Variants in ST3GAL2 observed in about 807,000 individuals in gnomAD.
The protein encoded by ST3GAL2 is CMP-N-acetylneuraminate-beta-galactosamide-alpha-2,3-sialyltransferase 2.
In ST3GAL2, 16 loss-of-function variants were observed where a neutral mutation model predicts 37.5. That is an observed-to-expected ratio of 0.43 (90% CI 0.29 to 0.65). ST3GAL2 has a LOEUF of 0.65. ST3GAL2 is among the 30% of genes least tolerant of loss of function. The pLI, the probability that ST3GAL2 is intolerant of heterozygous loss-of-function variation, is 0.17. For missense variants in ST3GAL2, 383 were observed against 487.8 expected (o/e 0.79, Z 2.02); for synonymous variants, 238 against 202.9 (o/e 1.17, Z -1.47).
intron 1 of ST3GAL2, among the ~76,000 whole-genome samples, chr16:70,437,018 C>A (rs1260447144): frequency 6.6e-6 from 1 of 152,186 alleles, no homozygotes; most frequent in African/African-American, 2.4e-5. Flanking sequence ...ATCCCAGGTG[C>A]CTTCTCGAGA....
chr16:70,398,178 G>A lies in ST3GAL2; in HGVS notation c.339+14C>T, dbSNP rs370914116. The A allele has an allele frequency of 2.4e-5, 39 of 1,606,844 alleles. No individual in the cohort carries two copies. In the East Asian group the frequency reaches 5.1e-4, roughly 21 times the overall value. ...CTGGGGGACAGATCCCTGGAAGGGA[G>A]CAGCAGCTCTTACCATCCACCACCT... On this transcript the variant is annotated intron_variant, in intron 2 of 6. Transcript: ENST00000342907.
intron 4 of ST3GAL2, among the ~76,000 whole-genome samples, chr16:70,385,116 T>C (rs1264508776): frequency 1.3e-5 from 2 of 151,782 alleles, no homozygotes; most frequent in African/African-American, 4.8e-5. Flanking sequence ...CCATCCTAGC[T>C]AACACGGTGA....
At chr16:70,409,833 A>AG (rs1298247664) in intron 1 of ST3GAL2, among the ~76,000 whole-genome samples, 1 of 149,682 alleles carries the variant, frequency 6.7e-6, no homozygotes, top group Non-Finnish European at 1.5e-5. Flanking sequence ...TTTTTCATAA[A>AG]GACAGGGTCT....
At chr16:70,438,379 C>T (rs965333801) in intron 1 of ST3GAL2, among the ~76,000 whole-genome samples, 1 of 152,278 alleles carries the variant, frequency 6.6e-6, no homozygotes, top group East Asian at 1.9e-4. Context: ...GCGCTTTGGC[C>T]AAGTTTCTGG....
At chr16:70,415,385 C>T (rs574456829) in intron 1 of ST3GAL2, among the ~76,000 whole-genome samples, 1 of 152,340 alleles carries the variant, frequency 6.6e-6, no homozygotes, top group South Asian at 2.1e-4. Flanking sequence ...CTCCGGGCGG[C>T]ACGGGGAAGG....
intron 1 of ST3GAL2, among the ~76,000 whole-genome samples, chr16:70,429,113 T>C (rs1217144847): frequency 6.6e-6 from 1 of 152,190 alleles, no homozygotes; most frequent in Non-Finnish European, 1.5e-5. Flanking sequence ...TGCAGGAGCC[T>C]GAGTTGTCCA....
At chr16:70,431,141 C>T (rs951332492) in intron 1 of ST3GAL2, among the ~76,000 whole-genome samples, 2 of 83,306 alleles carry the variant, frequency 2.4e-5, no homozygotes, top group Non-Finnish European at 5.1e-5. Flanking sequence ...GGTGGCAGGG[C>T]GGGGCAATCT....
intron 1 of ST3GAL2, among the ~76,000 whole-genome samples, chr16:70,436,828 G>A (rs1427362631): frequency 6.6e-6 from 1 of 152,130 alleles, no homozygotes; most frequent in Non-Finnish European, 1.5e-5. Context: ...TCTAATGAGA[G>A]CCAAAATGAA....
intron 3 of ST3GAL2, among the ~76,000 whole-genome samples, chr16:70,389,075 CAAAAA>C (rs77375368): frequency 3.8e-5 from 2 of 53,302 alleles, no homozygotes; most frequent in Non-Finnish European, 3.9e-5. Context: ...CTCTTGTCTC[CAAAAA>C]AAAAAAAAAA....
rs1303010360 is a variant in ST3GAL2 at position 70,380,492 on chromosome 16, G to A, written c.*1197C>T. 6.6e-6 allele frequency: 1 copy of A among 152,296 alleles called. No individual in the cohort carries two copies. Among genetic ancestry groups the A allele is most frequent in the Non-Finnish European group, 1.5e-5 (1 of 68,106 alleles). 9.4% of individuals were successfully genotyped at this position (152,296 alleles called of 1,614,324 possible). ...GCAGCCCCGTCAGGGACCTAAGCTGGGTTCAGCCATGCAAGCAGCTTCCAG... is the reference window on the plus strand; with the variant it reads ...GCAGCCCCGTCAGGGACCTAAGCTGAGTTCAGCCATGCAAGCAGCTTCCAG... On this transcript the variant is annotated 3_prime_UTR_variant, in exon 7 of 7. Transcript: ENST00000342907.
chr16:70,381,619 T>A lies in ST3GAL2; in HGVS notation c.*70A>T, dbSNP rs1306905530. The A allele has an allele frequency of 6.4e-7, 1 of 1,555,500 alleles. No homozygotes were observed. The highest frequency in any genetic ancestry group is 8.7e-7 in the Non-Finnish European group (1 of 1,151,366). On this transcript the variant is annotated 3_prime_UTR_variant, in exon 7 of 7. Coordinates refer to ENST00000342907, the MANE Select transcript of ST3GAL2 (RefSeq NM_006927.4). ...TGCAGCATGATTGGTCGCGGGTTGC[T>A]GGTCCTGGGTCCCGGGCCGGAGCCC...
chr16:70,407,695 G>A (rs943504893), intron 1 of ST3GAL2, among the ~76,000 whole-genome samples: 1 of 152,138 alleles, frequency 6.6e-6, no homozygotes, highest in Non-Finnish European at 1.5e-5. Flanking sequence ...CAGCACGCAG[G>A]TAAATGGAAG....
chr16:70,430,991 A>G (rs889324642), intron 1 of ST3GAL2, among the ~76,000 whole-genome samples: 1 of 152,080 alleles, frequency 6.6e-6, no homozygotes, highest in Non-Finnish European at 1.5e-5. Context: ...GGTAGGAACA[A>G]AGGTTGGGGA....
chr16:70,397,090 G>A (rs2151663177), intron 2 of ST3GAL2, among the ~76,000 whole-genome samples: 1 of 140,532 alleles, frequency 7.1e-6, no homozygotes, highest in Middle Eastern at 4.5e-3. Context: ...TGCCCAGCTG[G>A]AGTGCAATGG....
chr16:70,426,498 C>T (rs374108405), intron 1 of ST3GAL2, among the ~76,000 whole-genome samples: 2 of 150,674 alleles, frequency 1.3e-5, no homozygotes, highest in South Asian at 2.1e-4. Context: ...CCACACCCGG[C>T]CCTCAGAAGT....
At chr16:70,415,283 C>CA (rs1000723331) in intron 1 of ST3GAL2, among the ~76,000 whole-genome samples, 29 of 152,136 alleles carry the variant, frequency 1.9e-4, no homozygotes, top group Non-Finnish European at 3.8e-4. Flanking sequence ...CGCCACAATG[C>CA]AGCTGACCCT....
intron 2 of ST3GAL2, among the ~76,000 whole-genome samples, chr16:70,396,657 C>T (rs145532836): frequency 1.3e-5 from 2 of 152,332 alleles, no homozygotes; most frequent in Non-Finnish European, 2.9e-5. Context: ...GACCCTGGTC[C>T]TCGGGCACTC....
In ST3GAL2 at chr16:70,419,215, C is replaced by T. The variant is rs75269277; in HGVS notation, c.-1003-19682G>A. Among the ~76,000 whole-genome samples, 172 of 152,348 alleles carry T rather than the reference C, an allele frequency of 1.1e-3. 1 individual carries two copies. The highest frequency in any genetic ancestry group is 3.6e-3 in the African/African-American group (149 of 41,580). ...GCAAGGGGCTAAGCTAGGGTGCCTG[C>T]AAGTCCCACCCATGCATACCAAAGG... On this transcript the variant is annotated intron_variant, in intron 1 of 6. Coordinates refer to ENST00000342907, the MANE Select transcript of ST3GAL2 (RefSeq NM_006927.4).
rs2047407934 is a variant in ST3GAL2 at position 70,381,839 on chromosome 16, G to A, written c.903C>T (p.Ala301=). 1 of 1,613,930 alleles carries A rather than the reference G, an allele frequency of 6.2e-7. No homozygotes were observed. The highest frequency in any genetic ancestry group is 8.5e-7 in the Non-Finnish European group (1 of 1,179,924). Residue 301 remains alanine, a synonymous_variant, in exon 7 of 7, where the codon GCC becomes GCT. Coordinates refer to ENST00000342907, the MANE Select transcript of ST3GAL2 (RefSeq NM_006927.4). Reference sequence around the variant, plus strand: ...AGTGGTGCCAGTTGCCCCGGCTGTCGGCCCCGAACCCGTACACGTTCACCT... The same window carrying A: ...AGTGGTGCCAGTTGCCCCGGCTGTCAGCCCCGAACCCGTACACGTTCACCT... The part of the protein sequence containing the change: ...CDEVNVYGFG[A]DSRGNWHHYW...
Sources: gnomAD v4.1 joint callset for allele counts (sites outside exome capture counted in the v4.1 genomes callset) on GRCh38, gnomAD v4.1.1 for gene constraint, MANE v1.5 for transcripts, NCBI Gene and HGNC (gene_info 2026-07-23, HGNC 2026-07-21) for gene names.